Variants in FOXO1 observed in about 807,000 individuals in gnomAD.
FOXO1 encodes forkhead box O1.
A neutral mutation model predicts 44.1 loss-of-function variants in FOXO1; 6 were observed. The observed-to-expected ratio is 0.14, with a 90% CI of 0.07 to 0.27. The LOEUF is 0.27. FOXO1 is among the 10% of genes least tolerant of loss of function. The probability of loss-of-function intolerance (pLI) is 1.00; values close to 1 mark genes in which losing one functional copy is unlikely to be tolerated. For synonymous variants in FOXO1, 380 were observed against 362.7 expected (o/e 1.05, Z -0.54); for missense variants, 737 against 888.8 (o/e 0.83, Z 2.17).
At chr13:40,572,357 T>C (rs1874562368) in intron 1 of FOXO1, among the ~76,000 whole-genome samples, 1 of 151,682 alleles carries the variant, frequency 6.6e-6, no homozygotes, top group Admixed American at 6.6e-5. Context: ...GCATAGTCTG[T>C]TTACTAAGAA....
intron 1 of FOXO1, among the ~76,000 whole-genome samples, chr13:40,598,134 C>T (rs1406201174): frequency 2.0e-5 from 3 of 152,070 alleles, no homozygotes; most frequent in African/African-American, 7.2e-5. Context: ...ACGGAACAAG[C>T]GAATGAAAGA....
chr13:40,640,401 A>T (rs1194251817), intron 1 of FOXO1, among the ~76,000 whole-genome samples: 1 of 152,140 alleles, frequency 6.6e-6, no homozygotes, highest in Non-Finnish European at 1.5e-5. Context: ...CTCTCTCTCT[A>T]AGTATCGTCC....
At chr13:40,569,738 G>A (rs1369034017) in intron 1 of FOXO1, among the ~76,000 whole-genome samples, 1 of 152,162 alleles carries the variant, frequency 6.6e-6, no homozygotes, top group African/African-American at 2.4e-5. Flanking sequence ...CAAGTTAAGG[G>A]AGATACAGCA....
intron 1 of FOXO1, among the ~76,000 whole-genome samples, chr13:40,571,633 C>G (rs1326540141): frequency 5.9e-5 from 9 of 152,206 alleles, no homozygotes; most frequent in African/African-American, 2.2e-4. Flanking sequence ...TACTGGAATA[C>G]CCATGCTTTT....
chr13:40,649,479 A>G (rs575053689), intron 1 of FOXO1, among the ~76,000 whole-genome samples: 1 of 152,276 alleles, frequency 6.6e-6, no homozygotes, highest in Non-Finnish European at 1.5e-5. Flanking sequence ...CCATAAACAC[A>G]GGCGGAAGTC....
rs1473780578 is a variant in FOXO1, at chr13:40,560,935, T to C, written c.631-75A>G. The C allele has an allele frequency of 1.1e-5, 16 of 1,428,584 alleles. No individual in the cohort carries two copies. The highest frequency in any genetic ancestry group is 1.4e-5 in the African/African-American group (1 of 70,102). 88.5% of individuals were successfully genotyped at this position (1,428,584 alleles called of 1,614,324 possible). On this transcript the variant is annotated intron_variant, in intron 1 of 2. Coordinates refer to ENST00000379561, the MANE Select transcript of FOXO1 (RefSeq NM_002015.4). This position sits in a 1 kb window ranked among gnomAD's most constrained non-coding sequence, Gnocchi z 5.1. ...AACTTCCTATTCTACATGTATTACATGGAAAACAAGTAAAAAATCTTAAGA... is the reference window on the plus strand; with the variant it reads ...AACTTCCTATTCTACATGTATTACACGGAAAACAAGTAAAAAATCTTAAGA...
intron 1 of FOXO1, among the ~76,000 whole-genome samples, chr13:40,581,453 A>G (rs767714397): frequency 2.0e-5 from 3 of 152,246 alleles, no homozygotes; most frequent in Non-Finnish European, 2.9e-5. Flanking sequence ...GTTTTATGCT[A>G]CAAATCTTAA....
At chr13:40,598,467 A>T (rs1875680712) in intron 1 of FOXO1, among the ~76,000 whole-genome samples, 1 of 152,212 alleles carries the variant, frequency 6.6e-6, no homozygotes, top group African/African-American at 2.4e-5. Flanking sequence ...GAACAAAAAC[A>T]AACTAATGAA....
At chr13:40,573,130 T>G (rs1442977716) in intron 1 of FOXO1, among the ~76,000 whole-genome samples, 26 of 152,164 alleles carry the variant, frequency 1.7e-4, no homozygotes, top group Admixed American at 1.7e-3. Context: ...AGGCCAAATT[T>G]CCACCCCAGT....
At chr13:40,653,204 T>C (rs1007660729) in intron 1 of FOXO1, among the ~76,000 whole-genome samples, 1 of 152,078 alleles carries the variant, frequency 6.6e-6, no homozygotes, top group Non-Finnish European at 1.5e-5. Flanking sequence ...CCTAACCTCA[T>C]GATCCACCCG....
chr13:40,638,120 A>G (rs1034760634), intron 1 of FOXO1, among the ~76,000 whole-genome samples: 15 of 152,224 alleles, frequency 9.9e-5, no homozygotes, highest in African/African-American at 3.1e-4. Flanking sequence ...TCAGTGGCAG[A>G]AAGGCTGGAA....
At position 40,556,550 on chromosome 13, in the gene FOXO1, G is replaced by T. The variant is rs1408999012; in HGVS notation, c.*2499C>A. On this transcript the variant is annotated 3_prime_UTR_variant, in exon 3 of 3. Transcript: ENST00000379561. ...TAACTGATATATACTCATTACTCCA[G>T]AAAGTCAGTATTCTTACAGGAAAAA... 1 of 152,542 alleles carries T rather than the reference G, an allele frequency of 6.6e-6. No homozygotes were observed. Among genetic ancestry groups the T allele is most frequent in the East Asian group, 1.9e-4 (1 of 5,186 alleles). 9.4% of individuals were successfully genotyped at this position (152,542 alleles called of 1,614,324 possible). A position where few individuals can be genotyped will look rare whatever the true frequency, so the allele number is the denominator to read the frequency against.
At chr13:40,664,833 GCCCGCGCCCGCCCC>G (rs1878169057) in intron 1 of FOXO1, among the ~76,000 whole-genome samples, 1 of 150,926 alleles carries the variant, frequency 6.6e-6, no homozygotes, top group Admixed American at 6.6e-5. Context: ...CACCGCCACC[GCCCGCGCCCGCCCC>G]CGCCGAGGGT....
chr13:40,637,606 A>G (rs778789440), intron 1 of FOXO1, among the ~76,000 whole-genome samples: 1 of 152,168 alleles, frequency 6.6e-6, no homozygotes, highest in South Asian at 2.1e-4. Flanking sequence ...AGTAATGATA[A>G]TAATAGCTAC....
chr13:40,611,682 T>C (rs1349534140), intron 1 of FOXO1, among the ~76,000 whole-genome samples: 1 of 152,168 alleles, frequency 6.6e-6, no homozygotes, highest in Admixed American at 6.5e-5. Context: ...GAAGCTGTGT[T>C]TGGGAGAGAG....
intron 1 of FOXO1, among the ~76,000 whole-genome samples, chr13:40,652,323 T>TCGC (rs1374183361): frequency 6.6e-5 from 10 of 150,776 alleles, no homozygotes; most frequent in African/African-American, 2.2e-4. Flanking sequence ...GGAGTCTCTG[T>TCGC]CGCCCAGGCT....
intron 1 of FOXO1, among the ~76,000 whole-genome samples, chr13:40,646,456 C>T (rs895902044): frequency 7.9e-5 from 12 of 152,242 alleles, no homozygotes; most frequent in African/African-American, 2.6e-4. Flanking sequence ...GCTGGGATTA[C>T]AAGTGTTGGT....
chr13:40,619,662 T>A (rs571338312), intron 1 of FOXO1: 8 of 1,514,912 alleles, frequency 5.3e-6, no homozygotes, highest in Non-Finnish European at 7.3e-6. Flanking sequence ...TGAATTTCAA[T>A]GGTGGTAGTT....
In FOXO1 at chr13:40,558,916, T is replaced by A. The variant is rs576057357; in HGVS notation, c.*133A>T. Reference sequence around the variant, plus strand: ...GTCTGACGAAAGGAAAAAAGGAGGGTTTTTTTTTTTGTTTTTTTTTTTAAC... The same window carrying A: ...GTCTGACGAAAGGAAAAAAGGAGGGATTTTTTTTTTGTTTTTTTTTTTAAC... On this transcript the variant is annotated 3_prime_UTR_variant, in exon 3 of 3. Transcript: ENST00000379561. The A allele has an allele frequency of 1.6e-5, 5 of 310,238 alleles. No individual in the cohort carries two copies. Among genetic ancestry groups the A allele is most frequent in the Non-Finnish European group, 5.7e-6 (1 of 175,784 alleles). 19.2% of individuals were successfully genotyped at this position (310,238 alleles called of 1,614,324 possible).
Sources: gnomAD v4.1 joint callset for allele counts (sites outside exome capture counted in the v4.1 genomes callset) on GRCh38, gnomAD v4.1.1 for gene constraint, Gnocchi (gnomAD v3.1) non-coding constraint, MANE v1.5 for transcripts, NCBI Gene and HGNC (gene_info 2026-07-23, HGNC 2026-07-21) for gene names.